TDRD9: variants seen among roughly 807,000 people sequenced by gnomAD.
TDRD9 encodes the protein tudor domain containing 9, also known as ATP-dependent RNA helicase TDRD9.
In TDRD9, 124 loss-of-function variants were observed where a neutral mutation model predicts 172.6. The ratio of observed to expected loss-of-function variants is 0.72; its 90% CI spans 0.62 to 0.83. The LOEUF (loss-of-function observed/expected upper bound fraction) is 0.83. Ranked by LOEUF, TDRD9 falls within the 40% of genes least tolerant of loss-of-function variation. TDRD9 has a pLI of 0.00. For missense variants in TDRD9, 1,479 were observed against 1,714.1 expected (o/e 0.86, Z 2.42); for synonymous variants, 619 against 617.1 (o/e 1.00, Z -0.05).
chr14:103,971,125 A>G (rs2033005633), intron 6 of TDRD9, among the ~76,000 whole-genome samples: 2 of 151,738 alleles, frequency 1.3e-5, no homozygotes, highest in South Asian at 2.1e-4. Flanking sequence ...CTGGGACTAC[A>G]GGCACCCACC....
intron 8 of TDRD9, among the ~76,000 whole-genome samples, chr14:103,987,116 A>AT (rs2033689758): frequency 4.7e-5 from 4 of 84,632 alleles, no homozygotes; most frequent in South Asian, 4.5e-4. Context: ...CCATCTCAAA[A>AT]AATATATACA....
At chr14:103,991,604 G>A (rs1029887088) in intron 9 of TDRD9, among the ~76,000 whole-genome samples, 1 of 151,830 alleles carries the variant, frequency 6.6e-6, no homozygotes, top group African/African-American at 2.4e-5. Context: ...GTAGAGATGA[G>A]CTTTCACCAT....
chr14:103,976,315 C>T (rs2033240739), intron 7 of TDRD9, among the ~76,000 whole-genome samples: 1 of 151,434 alleles, frequency 6.6e-6, no homozygotes, highest in African/African-American at 2.4e-5. Flanking sequence ...GCTCTGTTGC[C>T]TAGGCTGGAG....
In TDRD9 at chr14:103,966,620, A is replaced by G. The variant is rs1188041803; in HGVS notation, c.643-89A>G. The G allele has an allele frequency of 4.1e-6, 5 of 1,230,602 alleles. No homozygotes were observed. In the South Asian group the frequency reaches 7.7e-5, roughly 19 times the overall value. 76.2% of individuals were successfully genotyped at this position (1,230,602 alleles called of 1,614,324 possible). A position where few individuals can be genotyped will look rare whatever the true frequency, so the allele number is the denominator to read the frequency against. ...ATCTTTCGAAATACCTTAATTTTTC[A>G]TTCCCTTTCTTACCCCCATTATATT... On this transcript the variant is annotated intron_variant, in intron 4 of 35. Transcript: ENST00000409874.
At position 103,991,167 on chromosome 14, in the gene TDRD9, G is replaced by T. The variant is rs749784790; in HGVS notation, c.1123G>T (p.Ala375Ser). Residue 375 changes from alanine (A) to serine (S), a missense_variant, in exon 9 of 36, where the codon GCT becomes TCT. Coordinates refer to ENST00000409874, the MANE Select transcript of TDRD9 (RefSeq NM_153046.3). Reference protein sequence around the residue: ...DLDMKESGNKAWSGAQFVLER... With the variant: ...DLDMKESGNKSWSGAQFVLER... Reference sequence around the variant, plus strand: ...ACATCACATTTTTAACAGGAACAAGGCTTGGTCGGGGGCCCAGTTTGTGTT... The same window carrying T: ...ACATCACATTTTTAACAGGAACAAGTCTTGGTCGGGGGCCCAGTTTGTGTT... The T allele has an allele frequency of 1.1e-5, 18 of 1,613,882 alleles. No homozygotes were observed. The highest frequency in any genetic ancestry group is 1.5e-5 in the Non-Finnish European group (18 of 1,179,902).
chr14:104,029,887 T>C (rs1032632763), intron 28 of TDRD9, among the ~76,000 whole-genome samples: 1 of 152,146 alleles, frequency 6.6e-6, no homozygotes, highest in African/African-American at 2.4e-5. Context: ...TATCTTAAAG[T>C]AATGCTGAAT....
intron 32 of TDRD9, among the ~76,000 whole-genome samples, chr14:104,039,360 A>C (rs1312334531): frequency 6.6e-6 from 1 of 152,136 alleles, no homozygotes. Flanking sequence ...CACCTTTTGT[A>C]ATCTAGCTGC....
chr14:103,976,610 A>G (rs1212453644), intron 7 of TDRD9, among the ~76,000 whole-genome samples: 1 of 152,126 alleles, frequency 6.6e-6, no homozygotes. Flanking sequence ...TATCTTGGCT[A>G]TGGTGAATAA....
At chr14:103,940,621 A>G (rs1005178773) in intron 1 of TDRD9, 9 of 497,570 alleles carry the variant, frequency 1.8e-5, no homozygotes, top group Non-Finnish European at 2.8e-5. Context: ...AGTTAAAAGC[A>G]TACTATTCAA....
intron 7 of TDRD9, among the ~76,000 whole-genome samples, chr14:103,982,066 G>A (rs925758576): frequency 6.6e-6 from 1 of 151,288 alleles, no homozygotes; most frequent in Non-Finnish European, 1.5e-5. Context: ...CAAGGGAGAA[G>A]CCCCCTTTCT....
At chr14:104,045,118 G>A (rs1029293182) in intron 34 of TDRD9, among the ~76,000 whole-genome samples, 1 of 151,564 alleles carries the variant, frequency 6.6e-6, no homozygotes, top group Non-Finnish European at 1.5e-5. Context: ...ACTCCAGCCT[G>A]GGTGACAACA....
chr14:103,977,107 G>C (rs2033276191), intron 7 of TDRD9, among the ~76,000 whole-genome samples: 5 of 152,134 alleles, frequency 3.3e-5, no homozygotes, highest in African/African-American at 1.2e-4. Flanking sequence ...GTGACAATTG[G>C]TGATACTGAG....
rs68192057 is a variant in TDRD9 at position 103,952,729 on chromosome 14, CT to C, written c.216-2909del. Among the ~76,000 whole-genome samples, 285 of 72,304 alleles carry C rather than the reference CT, an allele frequency of 3.9e-3. 1 individual carries two copies. The highest frequency in any genetic ancestry group is 0.016 in the African/African-American group (268 of 16,674). The allele number at this position is 72,304 out of a possible 152,430, so 47.4% of individuals were successfully genotyped here. On this transcript the variant is annotated intron_variant, in intron 1 of 35. Coordinates refer to ENST00000409874, the MANE Select transcript of TDRD9 (RefSeq NM_153046.3). ...TTAGTGATTTATAGGAATTCTCTCT[CT>C]TTTTTTTTTTTTTTTTTTTTTTTTT...
chr14:103,949,196 C>G (rs1294650821), intron 1 of TDRD9, among the ~76,000 whole-genome samples: 1 of 152,216 alleles, frequency 6.6e-6, no homozygotes, highest in East Asian at 1.9e-4. Flanking sequence ...TAGCATGATT[C>G]ATTTCTAGCA....
chr14:104,027,591 T>A (rs1030305257), intron 28 of TDRD9, among the ~76,000 whole-genome samples: 2 of 152,240 alleles, frequency 1.3e-5, no homozygotes, highest in Non-Finnish European at 2.9e-5. Context: ...ATAATCATTG[T>A]ACATATTTAT....
chr14:104,026,035 T>C lies in TDRD9; in HGVS notation c.2932-12T>C, dbSNP rs1322637108. The C allele has an allele frequency of 3.8e-6, 6 of 1,571,632 alleles. No homozygotes were observed. The highest frequency in any genetic ancestry group is 3.5e-6 in the Non-Finnish European group (4 of 1,141,382). On this transcript the variant is annotated splice_polypyrimidine_tract_variant and intron_variant, in intron 26 of 35. Transcript: ENST00000409874. ...ACCCCGTCGTAAAGTGTATACTTGC[T>C]TTATTTTCTAGGTATTCTTTGTAGA... is the stretch of plus-strand genomic sequence containing the variant.
At chr14:103,961,315 T>G (rs2032496866) in intron 2 of TDRD9, among the ~76,000 whole-genome samples, 1 of 152,172 alleles carries the variant, frequency 6.6e-6, no homozygotes, top group South Asian at 2.1e-4. Context: ...GCGTGGTGGC[T>G]CATGCCTGTA....
Position 103,928,667 on chromosome 14 carries a change from C to T in TDRD9, c.158C>T (p.Ala53Val). The T allele has an allele frequency of 8.1e-7, 1 of 1,237,606 alleles. No homozygotes were observed. The highest frequency in any genetic ancestry group is 1.0e-6 in the Non-Finnish European group (1 of 979,524). 76.7% of individuals were successfully genotyped at this position (1,237,606 alleles called of 1,614,324 possible). Residue 53 changes from alanine to valine, a missense_variant, in exon 1 of 36, where the codon GCG becomes GTG. Around this residue, in one of 3 missense-constraint regions of TDRD9, gnomAD observed 1,413 missense variants for 1,649.1 expected, o/e 0.86. Transcript: ENST00000409874. ...GACGTGGCCCCCGGCGCTGGTCCCG[C>T]GGCCCAGGCTCCGGCTCTGGCCCAA... is the stretch of plus-strand genomic sequence containing the variant. ...RQDVAPGAGP[A>V]AQAPALAQAP... is the part of the protein sequence containing the mutation.
At chr14:103,999,275 C>G (rs1454809899) in intron 13 of TDRD9, among the ~76,000 whole-genome samples, 1 of 152,138 alleles carries the variant, frequency 6.6e-6, no homozygotes, top group African/African-American at 2.4e-5. Flanking sequence ...CCCCATCATC[C>G]TGACACTATG....
Sources: gnomAD v4.1 joint callset for allele counts (sites outside exome capture counted in the v4.1 genomes callset) on GRCh38, gnomAD v4.1.1 for gene constraint, gnomAD v4.1.1 regional missense constraint, MANE v1.5 for transcripts, NCBI Gene and HGNC (gene_info 2026-07-23, HGNC 2026-07-21) for gene names.